ARNT: variants seen among roughly 807,000 people sequenced by gnomAD.
ARNT encodes the protein class E basic helix-loop-helix protein 2.
ARNT carries 30 observed loss-of-function variants against 105.0 expected under a neutral mutation model. The ratio of observed to expected loss-of-function variants is 0.29; its 90% CI spans 0.21 to 0.39. ARNT has a LOEUF of 0.39. Ranked by LOEUF, ARNT falls within the 10% of genes least tolerant of loss-of-function variation. ARNT has a pLI of 1.00. For synonymous variants in ARNT, 304 were observed against 344.0 expected (o/e 0.88, Z 1.29); for missense variants, 748 against 978.7 (o/e 0.76, Z 3.15).
chr1:150,851,274 G>A (rs587664378), intron 3 of ARNT, among the ~76,000 whole-genome samples: 3 of 150,046 alleles, frequency 2.0e-5, no homozygotes, highest in East Asian at 2.0e-4. Context: ...CGCCCCGTCC[G>A]GGAGGTGGGG....
At chr1:150,828,622 C>T (rs1658759335) in intron 12 of ARNT, among the ~76,000 whole-genome samples, 2 of 152,084 alleles carry the variant, frequency 1.3e-5, no homozygotes, top group Admixed American at 1.3e-4. Flanking sequence ...TTCACATAGC[C>T]ACAGCCAGAA....
intron 11 of ARNT, chr1:150,829,461 T>C (rs1412579676): frequency 1.7e-6 from 1 of 601,736 alleles, no homozygotes; most frequent in East Asian, 3.1e-5. Context: ...AAGAATAAAG[T>C]TTATTCAATC....
Position 150,811,884 on chromosome 1 carries a change from A to T in ARNT, c.*137T>A. 2.0e-6 allele frequency: 1 copy of T among 503,192 alleles called. No individual in the cohort carries two copies. Among genetic ancestry groups the T allele is most frequent in the Non-Finnish European group, 3.3e-6 (1 of 303,916 alleles). The allele number at this position is 503,192 out of a possible 1,614,324, so 31.2% of individuals were successfully genotyped here. A position where few individuals can be genotyped will look rare whatever the true frequency, so the allele number is the denominator to read the frequency against. On this transcript the variant is annotated 3_prime_UTR_variant, in exon 22 of 22. Transcript: ENST00000358595. ...GAGGCAACAGAGCAGGGGAACAGCC[A>T]GAAGGGAAAGGGGGTACATGTCAGG...
chr1:150,820,788 G>A (rs587612923), intron 14 of ARNT, among the ~76,000 whole-genome samples: 2 of 152,204 alleles, frequency 1.3e-5, no homozygotes, highest in Admixed American at 6.6e-5. Context: ...AGAGGAGAAA[G>A]GGATAGCTTG....
chr1:150,851,269 C>T (rs1204706710), intron 3 of ARNT, among the ~76,000 whole-genome samples: 42 of 150,778 alleles, frequency 2.8e-4, no homozygotes, highest in African/African-American at 9.3e-4. Flanking sequence ...GCCGCCGCCC[C>T]GTCCGGGAGG....
intron 1 of ARNT, among the ~76,000 whole-genome samples, chr1:150,864,883 CAAAAAA>C (rs587599690): frequency 1.3e-5 from 1 of 75,706 alleles, no homozygotes; most frequent in African/African-American, 4.1e-5. Context: ...TTCTTTAAAT[CAAAAAA>C]AAAAAAAAAA....
At position 150,814,118 on chromosome 1, in the gene ARNT, G is replaced by C; in HGVS notation, c.2072C>G (p.Ala691Gly). The C allele has an allele frequency of 6.2e-7, 1 of 1,614,202 alleles. No homozygotes were observed. The highest frequency in any genetic ancestry group is 8.5e-7 in the Non-Finnish European group (1 of 1,180,036). Residue 691 changes from alanine (A) to glycine (G), a missense_variant, in exon 20 of 22, where the codon GCT becomes GGT. Physicochemically the swap from Ala to Gly is moderately conservative, Grantham distance 60. Around this residue, in one of 4 missense-constraint regions of ARNT, gnomAD observed 360 missense variants for 411.9 expected, o/e 0.87. Coordinates refer to ENST00000358595, the MANE Select transcript of ARNT (RefSeq NM_001668.4). The stretch of plus-strand genomic sequence containing the variant: ...ATTGGTGAGACTAGGGTAGGCAGCA[G>C]CACCAGGCGATGCAGTTGGGGCACC... ...LPGAPTASPG[A>G]AAYPSLTNRG... is the part of the protein sequence containing the mutation.
intron 6 of ARNT, 186 bp downstream of exon 6, chr1:150,839,255 T>C: frequency 1.6e-6 from 1 of 614,428 alleles, no homozygotes; most frequent in South Asian, 2.0e-5. Context: ...GCTTATTAAA[T>C]AGTTTTCACA....
chr1:150,812,216 T>C, intron 21 of ARNT, 106 bp from the exon 22 acceptor site: 2 of 778,470 alleles, frequency 2.6e-6, no homozygotes, highest in Non-Finnish European at 3.7e-6. Flanking sequence ...CCCCGAGTCT[T>C]TGCTGTGCTG....
chr1:150,848,823 G>A (rs749638068), intron 3 of ARNT, among the ~76,000 whole-genome samples: 13 of 152,126 alleles, frequency 8.5e-5, no homozygotes, highest in Non-Finnish European at 1.8e-4. Context: ...TAAGCCACCA[G>A]GCCCAGCCTG....
chr1:150,816,737 C>T lies in ARNT; in HGVS notation c.1802+51G>A, dbSNP rs1571182999. The T allele has an allele frequency of 2.0e-6, 3 of 1,498,580 alleles. No homozygotes were observed. The African/African-American group carries it at 4.3e-5, about 21-fold the overall frequency. 92.8% of individuals were successfully genotyped at this position (1,498,580 alleles called of 1,614,324 possible). On this transcript the variant is annotated intron_variant, in intron 18 of 21. Coordinates refer to ENST00000358595, the MANE Select transcript of ARNT (RefSeq NM_001668.4). ...AGGGAAGAATAAAATTTGGATTCAG[C>T]AGCTGAATCCCTCAGGGCCCTGTAA...
intron 1 of ARNT, among the ~76,000 whole-genome samples, chr1:150,868,262 G>A (rs934015534): frequency 6.6e-6 from 1 of 151,914 alleles, no homozygotes; most frequent in Non-Finnish European, 1.5e-5. Flanking sequence ...CAAGACCAAC[G>A]TGGGCAACAT....
intron 14 of ARNT, among the ~76,000 whole-genome samples, chr1:150,822,824 T>C (rs587647957): frequency 3.3e-5 from 5 of 152,218 alleles, no homozygotes; most frequent in South Asian, 2.1e-4. Flanking sequence ...CATACACAAA[T>C]TGGGGGATCT....
At chr1:150,830,431 A>G (rs1314841008) in intron 10 of ARNT, 1 of 154,356 alleles carries the variant, frequency 6.5e-6, no homozygotes, top group Non-Finnish European at 1.4e-5. Flanking sequence ...AGAATGATAA[A>G]TAAGAATAAA....
Position 150,813,196 on chromosome 1 carries a change from T to G in ARNT, c.2256A>C (p.Gln752His). Residue 752 changes from glutamine (Q) to histidine (H), a missense_variant, in exon 21 of 22, where the codon CAA becomes CAC. Transcript: ENST00000358595. ...CCTGGAAGACCTCAGGCTGGCCAGG[T>G]TGCTGTGCTGGCGGTTGTTGAACAT... The part of the protein sequence containing the change: ...EQHVQQPPAQ[Q>H]PGQPEVFQEM... 1.2e-6 allele frequency: 2 copies of G among 1,613,574 alleles called. No individual in the cohort carries two copies. Among genetic ancestry groups the G allele is most frequent in the South Asian group, 1.1e-5 (1 of 90,866 alleles).
At position 150,846,416 on chromosome 1, in the gene ARNT, T is replaced by C. The variant is rs1662222651; in HGVS notation, c.183-109A>G. The C allele has an allele frequency of 3.8e-6, 4 of 1,047,000 alleles. No individual in the cohort carries two copies. The Admixed American group carries it at 9.7e-5, about 25-fold the overall frequency. 64.9% of individuals were successfully genotyped at this position (1,047,000 alleles called of 1,614,324 possible). ...AAATATTCAATAGAAAAAAAGCCAA[T>C]GGAAAAGCATCACAAAGTGATAGAA... On this transcript the variant is annotated intron_variant, in intron 3 of 21. Coordinates refer to ENST00000358595, the MANE Select transcript of ARNT (RefSeq NM_001668.4).
Position 150,846,248 on chromosome 1 carries a change from C to T in ARNT, c.227+15G>A. 6.3e-7 allele frequency: 1 copy of T among 1,598,528 alleles called. No individual in the cohort carries two copies. The highest frequency in any genetic ancestry group is 8.6e-7 in the Non-Finnish European group (1 of 1,166,150). On this transcript the variant is annotated intron_variant, in intron 4 of 21. Coordinates refer to ENST00000358595, the MANE Select transcript of ARNT (RefSeq NM_001668.4). ...CATATTATATATTACAATATATTAC[C>T]TACTACAATATTACCTGGCAAACCG...
At position 150,876,571 on chromosome 1, in the gene ARNT, C is replaced by T; in HGVS notation, c.-4G>A. 3 of 1,543,994 alleles carry T rather than the reference C, an allele frequency of 1.9e-6. No individual in the cohort carries two copies. Among genetic ancestry groups the T allele is most frequent in the Non-Finnish European group, 2.6e-6 (3 of 1,145,474 alleles). ...GGTTGGCAGTAGTCGCCGCCATGGC[C>T]GCAGATGCCACCGCCGCCGCGCCAC... On this transcript the variant is annotated 5_prime_UTR_variant, in exon 1 of 22. Transcript: ENST00000358595.
At chr1:150,825,889 G>C (rs1658133234) in intron 13 of ARNT, among the ~76,000 whole-genome samples, 1 of 149,862 alleles carries the variant, frequency 6.7e-6, no homozygotes. Flanking sequence ...TCTACTACAA[G>C]CTTAGTGAAG....
Sources: allele counts gnomAD v4.1 joint callset (sites outside exome capture counted in the v4.1 genomes callset), GRCh38; gene constraint gnomAD v4.1.1; regional missense constraint gnomAD v4.1.1; transcripts MANE v1.5; gene names NCBI Gene and HGNC (gene_info 2026-07-23, HGNC 2026-07-21).